Variants in ZNF420 observed in about 807,000 individuals in gnomAD.
ZNF420 encodes the protein zinc finger protein 420.
Under a neutral mutation model 44.7 loss-of-function variants are expected in ZNF420, and 31 were observed. The observed-to-expected ratio is 0.69, with a 90% CI of 0.52 to 0.94. The LOEUF (loss-of-function observed/expected upper bound fraction) is 0.94, where lower values mean the gene tolerates loss of function less well. ZNF420 is among the 40% of genes least tolerant of loss of function. The probability of loss-of-function intolerance (pLI) is 0.00; values close to 1 mark genes in which losing one functional copy is unlikely to be tolerated. For missense variants in ZNF420, 681 were observed against 827.9 expected (o/e 0.82, Z 2.18); for synonymous variants, 245 against 267.4 (o/e 0.92, Z 0.82).
At chr19:37,110,353 T>C (rs144458027) in intron 4 of ZNF420, among the ~76,000 whole-genome samples, 6,828 of 152,292 alleles carry the variant, frequency 0.045, 211 homozygotes, top group East Asian at 0.079. Flanking sequence ...ACAATATTTT[T>C]TGCCTGTTTC....
chr19:37,128,306 A>C lies in ZNF420; in HGVS notation c.1315A>C (p.Arg439=). Residue 439 remains arginine, a synonymous_variant, in exon 5 of 5, where the codon AGG becomes CGG. Coordinates refer to ENST00000337995, the MANE Select transcript of ZNF420 (RefSeq NM_144689.5). ...NRGSLLTRHQ[R]IHTGEKPYEC... is the part of the protein sequence containing the mutation. ...TGGCTCACTCCTTACACGACACCAG[A>C]GGATTCATACTGGTGAGAAACCCTA... The C allele has an allele frequency of 6.2e-7, 1 of 1,614,062 alleles. No homozygotes were observed. Among genetic ancestry groups the C allele is most frequent in the African/African-American group, 1.3e-5 (1 of 75,032 alleles).
intron 1 of ZNF420, among the ~76,000 whole-genome samples, chr19:37,052,590 G>A (rs1967659157): frequency 6.6e-6 from 1 of 152,158 alleles, no homozygotes; most frequent in East Asian, 1.9e-4. Context: ...TTGCTTGTCT[G>A]TAAAGGATTT....
chr19:37,081,651 G>A (rs1233558908), intron 2 of ZNF420, among the ~76,000 whole-genome samples: 2 of 149,128 alleles, frequency 1.3e-5, no homozygotes, highest in African/African-American at 4.9e-5. Context: ...TTAGCCTCCC[G>A]AGTAGCTGGG....
At chr19:37,100,663 A>G (rs916598142) in intron 4 of ZNF420, among the ~76,000 whole-genome samples, 4 of 152,094 alleles carry the variant, frequency 2.6e-5, no homozygotes, top group Non-Finnish European at 4.4e-5. Context: ...CAGTGAGCCA[A>G]GAGTGTGCCA....
intron 2 of ZNF420, among the ~76,000 whole-genome samples, chr19:37,085,429 G>C (rs1278672630): frequency 6.6e-6 from 1 of 152,174 alleles, no homozygotes; most frequent in African/African-American, 2.4e-5. Context: ...CCTATGTGTG[G>C]GTTCTCAGGC....
intron 2 of ZNF420, among the ~76,000 whole-genome samples, chr19:37,086,581 A>G (rs1376886962): frequency 6.6e-6 from 1 of 152,126 alleles, no homozygotes. Flanking sequence ...TGAGCAAAAG[A>G]TTTTACAATT....
rs1568482227 is a variant in ZNF420, at chr19:37,127,713, A to G, written c.722A>G (p.His241Arg). ...ATTCGTAGCTCACAACTTACCCGAC[A>G]TCAAAAAGTTCATACTGGTGAGAAA... ...AFIRSSQLTR[H>R]QKVHTGEKPY... The change falls in exon 5 of 5, where the codon CAT (histidine) becomes CGT (arginine). Residue 241 changes from histidine (H) to arginine (R), a missense_variant. Physicochemically the swap from His to Arg is conservative, Grantham distance 29. Transcript: ENST00000337995. 1 of 1,614,052 alleles carries G rather than the reference A, an allele frequency of 6.2e-7. No individual in the cohort carries two copies. Among genetic ancestry groups the G allele is most frequent in the Non-Finnish European group, 8.5e-7 (1 of 1,179,938 alleles).
At chr19:37,118,463 A>T (rs1970822170) in intron 4 of ZNF420, among the ~76,000 whole-genome samples, 1 of 152,220 alleles carries the variant, frequency 6.6e-6, no homozygotes, top group Non-Finnish European at 1.5e-5. Context: ...AGAGCTCCTG[A>T]AGGAAACACT....
At chr19:37,067,999 GTGTGTATATATATATATACACT>G (rs1462060589) in intron 1 of ZNF420, among the ~76,000 whole-genome samples, 1 of 151,760 alleles carries the variant, frequency 6.6e-6, no homozygotes, top group Non-Finnish European at 1.5e-5. Flanking sequence ...ATTAGTGTGT[GTGTGTATATATATATATACACT>G]TACACACACA....
chr19:37,046,954 T>G (rs549115789), intron 1 of ZNF420, among the ~76,000 whole-genome samples: 143 of 151,544 alleles, frequency 9.4e-4, no homozygotes, highest in African/African-American at 3.4e-3. Flanking sequence ...GATTATGATT[T>G]ATCCAATTTT....
At chr19:37,055,500 A>C (rs1967726738) in intron 1 of ZNF420, among the ~76,000 whole-genome samples, 1 of 151,638 alleles carries the variant, frequency 6.6e-6, no homozygotes, top group African/African-American at 2.4e-5. Flanking sequence ...CTCCATCAAC[A>C]CTCCAGCCAC....
At chr19:37,055,404 A>G (rs1171537372) in intron 1 of ZNF420, among the ~76,000 whole-genome samples, 1 of 152,072 alleles carries the variant, frequency 6.6e-6, no homozygotes, top group African/African-American at 2.4e-5. Flanking sequence ...CTCCTCCTCC[A>G]CCGGTAAAAG....
At chr19:37,028,699 G>A (rs1967195680) in intron 1 of ZNF420, among the ~76,000 whole-genome samples, 1 of 152,200 alleles carries the variant, frequency 6.6e-6, no homozygotes, top group Admixed American at 6.5e-5. Context: ...TATATCATGT[G>A]TGTGTTTGTT....
rs1477140764 is a variant in ZNF420 at position 37,025,129 on chromosome 19, C to T, written c.-125+17047C>T. On this transcript the variant is annotated intron_variant, in intron 1 of 4. Transcript: ENST00000587029. ...ACTAAAGGCCTTGTCACATTCCAAA[C>T]ATTTATAGGGTTTCTCACCAGAATG... 3 of 358,708 alleles carry T rather than the reference C, an allele frequency of 8.4e-6. No individual in the cohort carries two copies. In the Admixed American group the frequency reaches 1.1e-4, roughly 14 times the overall value. The allele number at this position is 358,708 out of a possible 1,614,324, so 22.2% of individuals were successfully genotyped here. A position where few individuals can be genotyped will look rare whatever the true frequency, so the allele number is the denominator to read the frequency against.
At chr19:37,018,634 C>G (rs2074624765) in intron 1 of ZNF420, among the ~76,000 whole-genome samples, 1 of 152,214 alleles carries the variant, frequency 6.6e-6, no homozygotes, top group Non-Finnish European at 1.5e-5. Flanking sequence ...GTGGCATGAT[C>G]TTAGCTCACT....
At chr19:37,056,804 G>A (rs943983432) in intron 1 of ZNF420, among the ~76,000 whole-genome samples, 10 of 152,240 alleles carry the variant, frequency 6.6e-5, no homozygotes, top group African/African-American at 2.4e-4. Context: ...GGCTCAAGGA[G>A]GTCCTGAGGA....
chr19:37,009,508 T>A (rs965641863), intron 1 of ZNF420, among the ~76,000 whole-genome samples: 1 of 152,170 alleles, frequency 6.6e-6, no homozygotes, highest in Admixed American at 6.5e-5. Context: ...CCATCTGCTC[T>A]GGGGGACGCC....
chr19:37,127,258 T>C lies in ZNF420; in HGVS notation c.267T>C (p.Tyr89=). 1 of 1,613,672 alleles carries C rather than the reference T, an allele frequency of 6.2e-7. No individual in the cohort carries two copies. Among genetic ancestry groups the C allele is most frequent in the Non-Finnish European group, 8.5e-7 (1 of 1,179,822 alleles). ...TTGAAGAGTCCAATTCCAGGGATTA[T>C]TTGGAAGCCAAAGGCAAGATGGAGA... ...CDLEESNSRD[Y]LEAKGKMEKQ... The change falls in exon 5 of 5, where the codon TAT becomes TAC. Residue 89 remains tyrosine, a synonymous_variant. Transcript: ENST00000337995.
At chr19:37,008,199 A>G in intron 1 of ZNF420, 1 of 310,954 alleles carries the variant, frequency 3.2e-6, no homozygotes, top group Non-Finnish European at 6.1e-6. Flanking sequence ...CCGCAGCCTC[A>G]GGAGTTGCCT....
Sources: gnomAD v4.1 joint callset for allele counts (sites outside exome capture counted in the v4.1 genomes callset) on GRCh38, gnomAD v4.1.1 for gene constraint, MANE v1.5 for transcripts, NCBI Gene and HGNC (gene_info 2026-07-23, HGNC 2026-07-21) for gene names.